Variants in CTNNA1 observed in about 807,000 individuals in gnomAD.
CTNNA1 encodes the protein catenin alpha-1.
A neutral mutation model predicts 98.4 loss-of-function variants in CTNNA1; 37 were observed. The observed-to-expected ratio is 0.38, with a 90% CI of 0.29 to 0.49. The LOEUF (loss-of-function observed/expected upper bound fraction) is 0.49, where lower values mean the gene tolerates loss of function less well. Among genes scored for constraint, CTNNA1 ranks in the 20% least tolerant of loss-of-function variants. CTNNA1 has a pLI of 0.95. For synonymous variants in CTNNA1, 404 were observed against 413.2 expected (o/e 0.98, Z 0.27); for missense variants, 761 against 1,147.2 (o/e 0.66, Z 4.86).
At chr5:138,932,898 C>G (rs748484235) in intron 17 of CTNNA1, 186 bp downstream of exon 17, 1 of 829,644 alleles carries the variant, frequency 1.2e-6, no homozygotes, top group African/African-American at 1.7e-5. Context: ...AACTGTGACA[C>G]CTGCGGGGCA....
rs759908252 is a variant in CTNNA1, at chr5:138,874,750, A to G, written c.1063-11462A>G. Reference sequence around the variant, plus strand: ...AAAACTTAAGCCATTTAAAAAGAAGATAAAACATGTCTCTGTCATCATCGA... The same window carrying G: ...AAAACTTAAGCCATTTAAAAAGAAGGTAAAACATGTCTCTGTCATCATCGA... On this transcript the variant is annotated intron_variant, in intron 7 of 17. Transcript: ENST00000302763. The surrounding 1 kb of genome is among the most constrained non-coding windows in gnomAD (Gnocchi z 4.1). Among the ~76,000 whole-genome samples the G allele has an allele frequency of 2.0e-5, 3 of 152,226 alleles. No individual in the cohort carries two copies. The highest frequency in any genetic ancestry group is 4.1e-4 in the South Asian group (2 of 4,830).
chr5:138,815,782 T>TTTTA (rs1421041328), intron 5 of CTNNA1, among the ~76,000 whole-genome samples: 1 of 152,130 alleles, frequency 6.6e-6, no homozygotes, highest in Non-Finnish European at 1.5e-5. Context: ...GGGCCTAAGT[T>TTTTA]TTTAGCCTTA....
intron 3 of CTNNA1, among the ~76,000 whole-genome samples, chr5:138,798,821 G>A (rs1757240387): frequency 1.3e-5 from 2 of 152,154 alleles, no homozygotes; most frequent in Admixed American, 1.3e-4. Context: ...TAGATGTAGT[G>A]TAGTTGACTG....
intron 7 of CTNNA1, among the ~76,000 whole-genome samples, chr5:138,849,071 TG>T (rs1353364696): frequency 6.6e-6 from 1 of 152,226 alleles, no homozygotes; most frequent in Non-Finnish European, 1.5e-5. Context: ...TGGGGAAGCA[TG>T]GCTCTGATCG....
intron 11 of CTNNA1, among the ~76,000 whole-genome samples, chr5:138,918,652 G>GT (rs1268402072): frequency 1.3e-5 from 2 of 152,214 alleles, no homozygotes; most frequent in African/African-American, 4.8e-5. Flanking sequence ...GCAATTCAGT[G>GT]TTTATCACAC....
chr5:138,839,279 T>C (rs991546505), intron 7 of CTNNA1, among the ~76,000 whole-genome samples: 14 of 152,066 alleles, frequency 9.2e-5, no homozygotes, highest in Non-Finnish European at 1.8e-4. Context: ...GCTGGAAGTA[T>C]AGAGGCATGA....
chr5:138,852,709 C>T (rs1174803193), intron 7 of CTNNA1, among the ~76,000 whole-genome samples: 1 of 151,744 alleles, frequency 6.6e-6, no homozygotes, highest in Non-Finnish European at 1.5e-5. Flanking sequence ...GCTGATTCCC[C>T]TGATTTCCCT....
chr5:138,904,269 C>T, intron 9 of CTNNA1, 80 bp from the exon 10 acceptor site: 2 of 1,487,708 alleles, frequency 1.3e-6, no homozygotes, highest in African/African-American at 1.4e-5. Context: ...CCAGAATGGT[C>T]AGAGGTAGGG....
At chr5:138,816,366 C>A (rs536663897) in intron 5 of CTNNA1, among the ~76,000 whole-genome samples, 2 of 152,274 alleles carry the variant, frequency 1.3e-5, no homozygotes, top group East Asian at 3.9e-4. Context: ...CTTTGACTTA[C>A]TGATTTCCTT....
chr5:138,869,420 T>C (rs969288662), intron 7 of CTNNA1: 2 of 151,780 alleles, frequency 1.3e-5, no homozygotes. Context: ...CAATAAGATA[T>C]GAAAAGTATG....
intron 1 of CTNNA1, among the ~76,000 whole-genome samples, chr5:138,766,641 A>G (rs1752970733): frequency 6.6e-6 from 1 of 151,938 alleles, no homozygotes; most frequent in Non-Finnish European, 1.5e-5. Flanking sequence ...ATGAGGCTAG[A>G]GTCTCATTCT....
intron 5 of CTNNA1, among the ~76,000 whole-genome samples, chr5:138,813,105 C>T (rs1471153310): frequency 6.6e-6 from 1 of 152,150 alleles, no homozygotes; most frequent in Non-Finnish European, 1.5e-5. Flanking sequence ...TTTATTTTCT[C>T]ATTAAGTATA....
chr5:138,916,927 A>G (rs1392990545), intron 10 of CTNNA1, among the ~76,000 whole-genome samples: 1 of 152,018 alleles, frequency 6.6e-6, no homozygotes, highest in Non-Finnish European at 1.5e-5. Context: ...GGCGTGTGCC[A>G]CCACACCCGG....
chr5:138,932,390 C>T (rs1396865069), intron 16 of CTNNA1, 188 bp from the exon 17 acceptor site: 9 of 1,416,956 alleles, frequency 6.4e-6, no homozygotes, highest in East Asian at 5.1e-5. Context: ...TCCATCAGCT[C>T]ACCCGCCTCC....
At chr5:138,813,080 T>G (rs1183489295) in intron 5 of CTNNA1, among the ~76,000 whole-genome samples, 1 of 152,204 alleles carries the variant, frequency 6.6e-6, no homozygotes, top group Non-Finnish European at 1.5e-5. Context: ...CCCAAACTGC[T>G]TGAAAAATGG....
chr5:138,816,236 G>T (rs1258879076), intron 5 of CTNNA1, among the ~76,000 whole-genome samples: 1 of 152,092 alleles, frequency 6.6e-6, no homozygotes, highest in African/African-American at 2.4e-5. Flanking sequence ...TTTTTAAATG[G>T]CTAAATAGTA....
chr5:138,903,441 A>G (rs1473270928), intron 9 of CTNNA1, among the ~76,000 whole-genome samples: 1 of 152,190 alleles, frequency 6.6e-6, no homozygotes, highest in Non-Finnish European at 1.5e-5. Context: ...AACTGGGGTA[A>G]AGATGTGTCT....
Position 138,873,800 on chromosome 5 carries a change from G to A in CTNNA1, c.1063-12412G>A. 1 of 1,613,986 alleles carries A rather than the reference G, an allele frequency of 6.2e-7. No homozygotes were observed. Among genetic ancestry groups the A allele is most frequent in the Non-Finnish European group, 8.5e-7 (1 of 1,179,888 alleles). ...TCCAGTCAGGTCTAGCTTTTCTAAA[G>A]TGCCCCAGGTCCACTCCATCCCACA... is the stretch of plus-strand genomic sequence containing the variant. On this transcript the variant is annotated intron_variant, in intron 7 of 17. Coordinates refer to ENST00000302763, the MANE Select transcript of CTNNA1 (RefSeq NM_001903.5). This position sits in a 1 kb window ranked among gnomAD's most constrained non-coding sequence, Gnocchi z 6.1.
At chr5:138,810,334 TTTTG>T (rs1270760686) in intron 4 of CTNNA1, 130 bp downstream of exon 4, 1 of 933,136 alleles carries the variant, frequency 1.1e-6, no homozygotes, top group East Asian at 2.5e-5. Context: ...CCAGAGATGT[TTTTG>T]TTTAATTTCC....
Sources: allele counts gnomAD v4.1 joint callset (sites outside exome capture counted in the v4.1 genomes callset), GRCh38; gene constraint gnomAD v4.1.1; non-coding constraint Gnocchi (gnomAD v3.1); transcripts MANE v1.5; gene names NCBI Gene and HGNC (gene_info 2026-07-23, HGNC 2026-07-21).